SLC8A1: variants seen among roughly 807,000 people sequenced by gnomAD.
SLC8A1 encodes solute carrier family 8 member A1, also known as sodium/calcium exchanger 1.
A neutral mutation model predicts 68.3 loss-of-function variants in SLC8A1; 18 were observed. That is an observed-to-expected ratio of 0.26 (90% CI 0.18 to 0.39). The LOEUF (loss-of-function observed/expected upper bound fraction) is 0.39, where lower values mean the gene tolerates loss of function less well. SLC8A1 is among the 10% of genes least tolerant of loss of function. The pLI, the probability that SLC8A1 is intolerant of heterozygous loss-of-function variation, is 1.00. For missense variants in SLC8A1, 985 were observed against 1,156.7 expected (o/e 0.85, Z 2.15); for synonymous variants, 475 against 415.5 (o/e 1.14, Z -1.74).
chr2:40,240,775 G>C (rs770843549), intron 2 of SLC8A1, among the ~76,000 whole-genome samples: 1 of 152,192 alleles, frequency 6.6e-6, no homozygotes, highest in Non-Finnish European at 1.5e-5. Flanking sequence ...CTACTTAGGA[G>C]ACTGAGGCAG....
rs187003358 is a variant in SLC8A1, at chr2:40,165,659, G to A, written c.1931-675C>T. 3.6e-3 allele frequency among the ~76,000 whole-genome samples: 552 copies of A among 152,270 alleles called. 7 individuals are homozygous for A. Among genetic ancestry groups the A allele is most frequent in the Non-Finnish European group, 6.6e-3 (450 of 68,024 alleles). ...ATCTTAAAGTAAACAGGGAGGGCGA[G>A]GGTGAGGCCTTTCGGGAGTTAAAAT... On this transcript the variant is annotated intron_variant, in intron 4 of 7. Transcript: ENST00000406785.
intron 2 of SLC8A1, among the ~76,000 whole-genome samples, chr2:40,239,486 A>T (rs1295516383): frequency 1.3e-5 from 2 of 152,204 alleles, no homozygotes; most frequent in Non-Finnish European, 2.9e-5. Flanking sequence ...TAGGGAACCA[A>T]TGCCTAAAAA....
chr2:40,104,211 G>C (rs2034063693), exon 8 of SLC8A1: 1 of 152,156 alleles, frequency 6.6e-6, no homozygotes, highest in African/African-American at 2.4e-5. Context: ...AGCTGGAGTT[G>C]TAACTCACTG....
intron 2 of SLC8A1, among the ~76,000 whole-genome samples, chr2:40,293,913 A>G (rs1480600516): frequency 1.3e-5 from 2 of 152,160 alleles, no homozygotes; most frequent in Non-Finnish European, 2.9e-5. Flanking sequence ...TATTTTAGAA[A>G]CAGCATTGAT....
chr2:40,366,488 A>C (rs1482124384), intron 2 of SLC8A1, among the ~76,000 whole-genome samples: 1 of 152,086 alleles, frequency 6.6e-6, no homozygotes, highest in Non-Finnish European at 1.5e-5. Context: ...ATGCTTTATA[A>C]ATTATAAGGT....
chr2:40,372,468 T>G (rs1002841519), intron 2 of SLC8A1, among the ~76,000 whole-genome samples: 1 of 152,146 alleles, frequency 6.6e-6, no homozygotes, highest in South Asian at 2.1e-4. Context: ...ATGCTGAGGA[T>G]TTTTCTTCAT....
chr2:40,346,973 C>T (rs1054643020), intron 2 of SLC8A1, among the ~76,000 whole-genome samples: 1 of 152,140 alleles, frequency 6.6e-6, no homozygotes, highest in African/African-American at 2.4e-5. Flanking sequence ...ATAAACCCTG[C>T]TTATTTCATT....
At chr2:40,427,532 G>T (rs1325112179) in intron 2 of SLC8A1, among the ~76,000 whole-genome samples, 2 of 151,428 alleles carry the variant, frequency 1.3e-5, no homozygotes, top group Non-Finnish European at 2.9e-5. Flanking sequence ...CCCAGAAATT[G>T]TTCATAGAGT....
chr2:40,438,523 G>T (rs992687953), intron 1 of SLC8A1, among the ~76,000 whole-genome samples: 1 of 152,076 alleles, frequency 6.6e-6, no homozygotes, highest in Non-Finnish European at 1.5e-5. Context: ...ATTGACACGT[G>T]GTCCCTGTAC....
rs190017000 is a variant in SLC8A1, at chr2:40,341,888, C to A, written c.1808+86585G>T. Among the ~76,000 whole-genome samples, 689 of 152,188 alleles carry A rather than the reference C, an allele frequency of 4.5e-3. 5 individuals carry two copies. Among genetic ancestry groups the A allele is most frequent in the Non-Finnish European group, 5.5e-3 (374 of 67,990 alleles). On this transcript the variant is annotated intron_variant, in intron 2 of 7. Coordinates refer to ENST00000406785, the Ensembl canonical transcript of SLC8A1. ...TACTTGAAGTAGATTTACCTTTAAG[C>A]AAATCCTTCCAAAATTATGTATTCT...
At chr2:40,265,020 G>A (rs1018580555) in intron 2 of SLC8A1, among the ~76,000 whole-genome samples, 1 of 152,128 alleles carries the variant, frequency 6.6e-6, no homozygotes, top group East Asian at 1.9e-4. Flanking sequence ...GCCATGACTT[G>A]CTTTGGCTAA....
At chr2:40,419,307 A>G (rs1384571945) in intron 2 of SLC8A1, among the ~76,000 whole-genome samples, 3 of 152,212 alleles carry the variant, frequency 2.0e-5, no homozygotes, top group Non-Finnish European at 4.4e-5. Flanking sequence ...TATTTTTAAT[A>G]AAGAAGCAGC....
chr2:40,274,479 C>T (rs539628435), intron 2 of SLC8A1, among the ~76,000 whole-genome samples: 3 of 152,136 alleles, frequency 2.0e-5, no homozygotes, highest in East Asian at 3.9e-4. Flanking sequence ...CCAGAGAAAC[C>T]GTTTAACGCT....
At chr2:40,274,282 T>G (rs1008661136) in intron 2 of SLC8A1, among the ~76,000 whole-genome samples, 1 of 150,738 alleles carries the variant, frequency 6.6e-6, no homozygotes, top group Non-Finnish European at 1.5e-5. Flanking sequence ...CATAAATGTA[T>G]TGAGTAATCC....
intron 7 of SLC8A1, among the ~76,000 whole-genome samples, chr2:40,127,676 AT>A (rs1445063110): frequency 1.3e-5 from 2 of 152,064 alleles, no homozygotes; most frequent in African/African-American, 4.8e-5. Context: ...TTGACCCAGG[AT>A]TTTTTACAAT....
chr2:40,216,487 G>C (rs888463674), intron 2 of SLC8A1, among the ~76,000 whole-genome samples: 1 of 152,148 alleles, frequency 6.6e-6, no homozygotes, highest in Non-Finnish European at 1.5e-5. Flanking sequence ...CTTTATAGTA[G>C]AATGATTTAT....
At chr2:40,121,209 G>A (rs1240412635) in intron 7 of SLC8A1, among the ~76,000 whole-genome samples, 1 of 152,222 alleles carries the variant, frequency 6.6e-6, no homozygotes, top group African/African-American at 2.4e-5. Flanking sequence ...CTCTGAGGAC[G>A]GGATACAGAA....
intron 2 of SLC8A1, among the ~76,000 whole-genome samples, chr2:40,324,033 G>T (rs1036868640): frequency 6.6e-6 from 1 of 151,704 alleles, no homozygotes; most frequent in Non-Finnish European, 1.5e-5. Flanking sequence ...AAAGGTGGGG[G>T]GGGGGCTGTT....
chr2:40,431,707 G>T (rs1054989299), intron 1 of SLC8A1, among the ~76,000 whole-genome samples: 3 of 152,042 alleles, frequency 2.0e-5, no homozygotes, highest in Non-Finnish European at 4.4e-5. Context: ...CTTATGTCCT[G>T]GAAAAAGTTA....
Sources: gnomAD v4.1 joint callset for allele counts (sites outside exome capture counted in the v4.1 genomes callset) on GRCh38, gnomAD v4.1.1 for gene constraint, MANE v1.5 for transcripts, NCBI Gene and HGNC (gene_info 2026-07-23, HGNC 2026-07-21) for gene names.